The following ASIC4 variants were observed in gnomAD, a reference collection of about 807,000 sequenced individuals.
ASIC4 encodes acid sensing ion channel subunit family member 4, also known as acid-sensing ion channel 4.
ASIC4 carries 28 observed loss-of-function variants against 53.4 expected under a neutral mutation model. The ratio of observed to expected loss-of-function variants is 0.52; its 90% CI spans 0.39 to 0.72. ASIC4 has a LOEUF of 0.72. Among genes scored for constraint, ASIC4 ranks in the 30% least tolerant of loss-of-function variants. The pLI, the probability that ASIC4 is intolerant of heterozygous loss-of-function variation, is 0.00. For missense variants in ASIC4, 649 were observed against 729.7 expected (o/e 0.89, Z 1.27); for synonymous variants, 289 against 301.4 (o/e 0.96, Z 0.43).
upstream of ASIC4, among the ~76,000 whole-genome samples, chr2:219,510,925 C>T (rs1227175391): frequency 9.9e-5 from 15 of 152,082 alleles, no homozygotes. This position sits in a 1 kb window ranked among gnomAD's most constrained non-coding sequence, Gnocchi z 5.2. Context: ...CCGCCGTCCG[C>T]CCCCCGCCCC....
chr2:219,528,143 A>G (rs1694987538), intron 1 of ASIC4, among the ~76,000 whole-genome samples: 1 of 152,260 alleles, frequency 6.6e-6, no homozygotes, highest in Non-Finnish European at 1.5e-5. Context: ...AAATAGGAAG[A>G]GGTTGAGTAC....
chr2:219,520,446 C>T (rs1185381145), intron 1 of ASIC4, among the ~76,000 whole-genome samples: 2 of 152,176 alleles, frequency 1.3e-5, no homozygotes, highest in Non-Finnish European at 2.9e-5. Flanking sequence ...CTCCTTAGCT[C>T]CTTCTCTTCC....
chr2:219,514,025 T>G, upstream of ASIC4: 1 of 374,890 alleles, frequency 2.7e-6, no homozygotes, highest in Non-Finnish European at 4.8e-6. Context: ...GGTGCTGGAG[T>G]CAGGAGTCTC....
rs975267704 is a variant in ASIC4 at position 219,517,955 on chromosome 2, C to T, written c.582+2649C>T. 6.6e-6 allele frequency among the ~76,000 whole-genome samples: 1 copy of T among 152,160 alleles called. No homozygotes were observed. The highest frequency in any genetic ancestry group is 6.5e-5 in the Admixed American group (1 of 15,284). Reference sequence around the variant, plus strand: ...CTGGAATCCAAGTTAATAAATGTCACATTTTCCAGCCTATTTTTACTCCGG... The same window carrying T: ...CTGGAATCCAAGTTAATAAATGTCATATTTTCCAGCCTATTTTTACTCCGG... On this transcript the variant is annotated intron_variant, in intron 1 of 9. Coordinates refer to ENST00000358078, the MANE Select transcript of ASIC4 (RefSeq NM_018674.6). This position sits in a 1 kb window ranked among gnomAD's most constrained non-coding sequence, Gnocchi z 4.2.
At chr2:219,534,792 TCCATCCATCCATC>T (rs1453771364) in intron 5 of ASIC4, among the ~76,000 whole-genome samples, 2 of 151,654 alleles carry the variant, frequency 1.3e-5, no homozygotes, top group Admixed American at 6.6e-5. Flanking sequence ...CATCCATCCA[TCCATCCATCCATC>T]CATCCATGCA....
At chr2:219,511,379 G>T (rs1215876131), upstream of ASIC4, among the ~76,000 whole-genome samples, 1 of 145,066 alleles carries the variant, frequency 6.9e-6, no homozygotes, top group Admixed American at 6.8e-5. The surrounding 1 kb of genome is among the most constrained non-coding windows in gnomAD (Gnocchi z 5.3). Context: ...CTCTCCCCCC[G>T]ACTGCATGCA....
At chr2:219,514,357 C>T (rs758154207), upstream of ASIC4, 70 of 1,544,538 alleles carry the variant, frequency 4.5e-5, no homozygotes, top group Non-Finnish European at 5.1e-5. Flanking sequence ...CTGAGCGGAG[C>T]GGCTGGGGCT....
At chr2:219,515,579 G>C (rs1694773625) in intron 1 of ASIC4, among the ~76,000 whole-genome samples, 1 of 152,260 alleles carries the variant, frequency 6.6e-6, no homozygotes, top group Non-Finnish European at 1.5e-5. Context: ...AGTTGGGGTG[G>C]GGGTTCCTAG....
At position 219,538,266 on chromosome 2, in the gene ASIC4, A is replaced by G. The variant is rs1405755166; in HGVS notation, c.*220A>G. ...CAGGCTGGTGCCCCGGGAGGGCTGG[A>G]GACCAGGCCATGGGCCCTCACGGAG... On this transcript the variant is annotated 3_prime_UTR_variant, in exon 10 of 10. Transcript: ENST00000358078. The G allele has an allele frequency of 5.4e-6, 3 of 560,388 alleles. No homozygotes were observed. Among genetic ancestry groups the G allele is most frequent in the African/African-American group, 1.9e-5 (1 of 52,150 alleles). The allele number at this position is 560,388 out of a possible 1,614,324, so 34.7% of individuals were successfully genotyped here.
At chr2:219,521,302 A>G (rs1460888260) in intron 1 of ASIC4, among the ~76,000 whole-genome samples, 2 of 152,244 alleles carry the variant, frequency 1.3e-5, no homozygotes, top group African/African-American at 4.8e-5. Flanking sequence ...AGCTGGGCTC[A>G]TTATCAGCTC....
At position 219,514,865 on chromosome 2, in the gene ASIC4, C is replaced by A; in HGVS notation, c.141C>A (p.Ser47Arg). The A allele has an allele frequency of 3.1e-6, 5 of 1,612,938 alleles. No individual in the cohort carries two copies. Among genetic ancestry groups the A allele is most frequent in the Non-Finnish European group, 4.2e-6 (5 of 1,179,836 alleles). Residue 47 changes from serine (S) to arginine (R), a missense_variant, in exon 1 of 10, where the codon AGC becomes AGA. Physicochemically the swap from Ser to Arg is moderately radical, Grantham distance 110. Transcript: ENST00000358078. ...CCCGAGACCTGGCCACCTTTGCCAG[C>A]ACCAGCACCCTGCATGGACTGGGCC... The part of the protein sequence containing the change: ...AAPRDLATFA[S>R]TSTLHGLGRA...
chr2:219,514,609 C>T lies in ASIC4; in HGVS notation c.-116C>T, dbSNP rs1461408156. 95 of 1,604,466 alleles carry T rather than the reference C, an allele frequency of 5.9e-5. No individual in the cohort carries two copies. Among genetic ancestry groups the T allele is most frequent in the Non-Finnish European group, 7.9e-5 (93 of 1,175,540 alleles). On this transcript the variant is annotated 5_prime_UTR_variant, in exon 1 of 10. Coordinates refer to ENST00000358078, the MANE Select transcript of ASIC4 (RefSeq NM_018674.6). ...CCTGTCCCTGTCCTCTTCCCGCTTG[C>T]CCTGAGTTTAGAAGAGCAGCCGCTG...
At chr2:219,522,788 T>A (rs1694908265) in intron 1 of ASIC4, among the ~76,000 whole-genome samples, 1 of 151,974 alleles carries the variant, frequency 6.6e-6, no homozygotes, top group African/African-American at 2.4e-5. Context: ...TGGAAGCCTC[T>A]GGCGCTGCTG....
At position 219,534,425 on chromosome 2, in the gene ASIC4, G is replaced by A. The variant is rs998439211; in HGVS notation, c.1076-746G>A. Among the ~76,000 whole-genome samples the A allele has an allele frequency of 3.9e-5, 6 of 152,384 alleles. No individual in the cohort carries two copies. The South Asian group carries it at 6.2e-4, about 16-fold the overall frequency. ...AGGAGAGAGAGACCTGTGGCTGTCC[G>A]AGAGGGCTGACTGACAGCAGCATGG... On this transcript the variant is annotated intron_variant, in intron 5 of 9. Transcript: ENST00000358078.
chr2:219,536,635 G>A lies in ASIC4; in HGVS notation c.1230-431G>A, dbSNP rs1695142357. Reference sequence around the variant, plus strand: ...GTGTGGCGGGGAGCCTGAGCCATAGGCAGCTGTGTGGAGGAAGCAGAAAAG... The same window carrying A: ...GTGTGGCGGGGAGCCTGAGCCATAGACAGCTGTGTGGAGGAAGCAGAAAAG... On this transcript the variant is annotated intron_variant, in intron 6 of 9. Coordinates refer to ENST00000358078, the MANE Select transcript of ASIC4 (RefSeq NM_018674.6). This position sits in a 1 kb window ranked among gnomAD's most constrained non-coding sequence, Gnocchi z 4.6. 6.6e-6 allele frequency among the ~76,000 whole-genome samples: 1 copy of A among 152,066 alleles called. No individual in the cohort carries two copies. Among genetic ancestry groups the A allele is most frequent in the South Asian group, 2.1e-4 (1 of 4,802 alleles).
chr2:219,526,417 G>A (rs375787309), intron 1 of ASIC4, among the ~76,000 whole-genome samples: 4 of 152,162 alleles, frequency 2.6e-5, no homozygotes, highest in African/African-American at 9.7e-5. Flanking sequence ...CCAGACTAAG[G>A]GATGGATAGA....
upstream of ASIC4, chr2:219,514,148 C>T: frequency 1.5e-6 from 1 of 652,568 alleles, no homozygotes; most frequent in South Asian, 2.2e-5. Context: ...CCTGGGTGGC[C>T]AGGAAGTGGG....
intron 6 of ASIC4, among the ~76,000 whole-genome samples, chr2:219,535,931 C>G (rs1329382786): frequency 6.6e-6 from 1 of 152,080 alleles, no homozygotes; most frequent in Non-Finnish European, 1.5e-5. Flanking sequence ...CACAGCCATA[C>G]CCAGCTAATT....
At position 219,516,533 on chromosome 2, in the gene ASIC4, C is replaced by A. The variant is rs886167374; in HGVS notation, c.582+1227C>A. On this transcript the variant is annotated intron_variant, in intron 1 of 9. Coordinates refer to ENST00000358078, the MANE Select transcript of ASIC4 (RefSeq NM_018674.6). This position sits in a 1 kb window ranked among gnomAD's most constrained non-coding sequence, Gnocchi z 4.9. ...GGCGCTCGAGATGCTTGTCCCTAGT[C>A]CACAGTTTGCTCCCAGCATTGTGTG... Among the ~76,000 whole-genome samples, 14 of 152,034 alleles carry A rather than the reference C, an allele frequency of 9.2e-5. No homozygotes were observed. The highest frequency in any genetic ancestry group is 1.9e-4 in the Non-Finnish European group (13 of 68,010).
Sources: gnomAD v4.1 joint callset for allele counts (sites outside exome capture counted in the v4.1 genomes callset) on GRCh38, gnomAD v4.1.1 for gene constraint, Gnocchi (gnomAD v3.1) non-coding constraint, MANE v1.5 for transcripts, NCBI Gene and HGNC (gene_info 2026-07-23, HGNC 2026-07-21) for gene names.